SFI1: variants seen among roughly 807,000 people sequenced by gnomAD.
SFI1 encodes SFI1 centrin binding protein, also known as protein SFI1 homolog.
SFI1 carries 195 observed loss-of-function variants against 207.5 expected under a neutral mutation model. The observed-to-expected ratio is 0.94, with a 90% CI of 0.84 to 1.06. The LOEUF is 1.06. Among genes scored for constraint, SFI1 ranks in the 50% least tolerant of loss-of-function variants. The pLI is 0.00. For synonymous variants in SFI1, 630 were observed against 598.9 expected, an observed-to-expected ratio of 1.05 and a Z score of -0.76; for missense variants, 1,634 against 1,588.0, an observed-to-expected ratio of 1.03 and a Z score of -0.49.
In SFI1 at chr22:31,546,894, C is replaced by G; in HGVS notation, c.372C>G (p.Val124=). ...FYYEQRLLRK[V]FEEWKEEWWV... ...ATGAGCAGCGATTACTACGGAAGGTCTTCGAAGAATGGAAAGAGGAGTGGT... is the reference window on the plus strand; with the variant it reads ...ATGAGCAGCGATTACTACGGAAGGTGTTCGAAGAATGGAAAGAGGAGTGGT... Residue 124 remains valine (V), a synonymous_variant, in exon 5 of 33, where the codon GTC becomes GTG. Transcript: ENST00000400288. 1 of 1,611,714 alleles carries G rather than the reference C, an allele frequency of 6.2e-7. No individual in the cohort carries two copies. The highest frequency in any genetic ancestry group is 8.5e-7 in the Non-Finnish European group (1 of 1,179,024).
At chr22:31,539,630 C>T (rs1430277907) in intron 4 of SFI1, among the ~76,000 whole-genome samples, 1 of 151,950 alleles carries the variant, frequency 6.6e-6, no homozygotes, top group Non-Finnish European at 1.5e-5. Context: ...TTTTTGGTCA[C>T]TCTGTCATGT....
intron 4 of SFI1, among the ~76,000 whole-genome samples, chr22:31,534,639 C>G (rs1245758294): frequency 6.6e-6 from 1 of 152,112 alleles, no homozygotes; most frequent in Admixed American, 6.6e-5. Context: ...TATTCCATCA[C>G]TGTCCTATGG....
intron 24 of SFI1, 151 bp from the exon 25 acceptor site, chr22:31,612,991 C>A: frequency 1.4e-6 from 1 of 723,822 alleles, no homozygotes; most frequent in Non-Finnish European, 2.2e-6. Flanking sequence ...GAGCATCTCA[C>A]CGCCAGGCAC....
At chr22:31,529,276 G>A (rs540655250) in intron 3 of SFI1, among the ~76,000 whole-genome samples, 1 of 152,288 alleles carries the variant, frequency 6.6e-6, no homozygotes, top group East Asian at 1.9e-4. Context: ...GGTCAGGTAC[G>A]GTGGCTCACA....
intron 8 of SFI1, among the ~76,000 whole-genome samples, chr22:31,570,066 G>GT (rs2062790566): frequency 3.3e-5 from 5 of 151,900 alleles, no homozygotes; most frequent in Admixed American, 3.3e-4. Context: ...GCAGTGAGCC[G>GT]TATTCTTGCC....
chr22:31,604,817 C>T (rs1362714085), intron 19 of SFI1, 52 bp from the exon 20 acceptor site: 1 of 1,547,516 alleles, frequency 6.5e-7, no homozygotes, highest in Admixed American at 1.7e-5. Flanking sequence ...CCTGCCTAAA[C>T]AGGGGGAAGT....
At chr22:31,614,474 C>T (rs752203608) in intron 27 of SFI1, 1 of 543,412 alleles carries the variant, frequency 1.8e-6, no homozygotes, top group Non-Finnish European at 3.5e-6. Context: ...TTTGACTGAC[C>T]TTGATGGGAT....
chr22:31,598,674 C>T (rs2067556031), intron 15 of SFI1, among the ~76,000 whole-genome samples: 1 of 125,938 alleles, frequency 7.9e-6, no homozygotes, highest in African/African-American at 2.9e-5. Context: ...GCCTCGGCCT[C>T]CCAGAGTGCT....
intron 21 of SFI1, chr22:31,606,696 T>A: frequency 2.9e-5 from 4 of 138,242 alleles, no homozygotes; most frequent in Non-Finnish European, 4.4e-5. Context: ...TTTTTTTCTT[T>A]TTTTTTTTTT....
intron 4 of SFI1, among the ~76,000 whole-genome samples, chr22:31,536,138 C>T (rs1187689530): frequency 6.6e-6 from 1 of 152,104 alleles, no homozygotes; most frequent in African/African-American, 2.4e-5. Context: ...ATATGAAGCC[C>T]TGTCCTAGAA....
chr22:31,498,020 C>A (rs1027042534), intron 1 of SFI1, among the ~76,000 whole-genome samples: 1 of 152,320 alleles, frequency 6.6e-6, no homozygotes, highest in Admixed American at 6.5e-5. Context: ...GTGGGCTGGG[C>A]ATGGTGGCTC....
At chr22:31,530,956 C>T in intron 3 of SFI1, 102 bp from the exon 4 acceptor site, 2 of 880,834 alleles carry the variant, frequency 2.3e-6, no homozygotes, top group South Asian at 1.6e-5. Context: ...TACTAACATC[C>T]CTCTGCTGAG....
At chr22:31,581,145 T>A (rs1188454608) in intron 12 of SFI1, among the ~76,000 whole-genome samples, 1 of 151,438 alleles carries the variant, frequency 6.6e-6, no homozygotes, top group Non-Finnish European at 1.5e-5. Context: ...CACACCCAGC[T>A]AATTTTTGTA....
At chr22:31,547,020 G>T in intron 5 of SFI1, 49 bp downstream of exon 5, 2 of 1,313,402 alleles carry the variant, frequency 1.5e-6, no homozygotes, top group Non-Finnish European at 2.2e-6. Context: ...CACATTATCA[G>T]ATGATTATTT....
In SFI1 at chr22:31,533,543, C is replaced by T. The variant is rs918062949; in HGVS notation, c.338+2414C>T. ...TCTGTCTCAAAAAAGTTGTAGCGTT[C>T]AGTGGTGTGGCCTTCAGCTTCAAAG... On this transcript the variant is annotated intron_variant, in intron 4 of 32. Coordinates refer to ENST00000400288, the MANE Select transcript of SFI1 (RefSeq NM_001007467.3). Among the ~76,000 whole-genome samples, 4 of 150,846 alleles carry T rather than the reference C, an allele frequency of 2.7e-5. No individual in the cohort carries two copies. The East Asian group carries it at 7.8e-4, about 29-fold the overall frequency.
At chr22:31,607,596 A>G (rs977906690) in intron 21 of SFI1, 4 of 151,612 alleles carry the variant, frequency 2.6e-5, no homozygotes, top group African/African-American at 7.3e-5. Context: ...GAGCGAGACT[A>G]TGTCTCAAAA....
chr22:31,607,373 CG>C (rs1247902127), intron 21 of SFI1, among the ~76,000 whole-genome samples: 1 of 152,010 alleles, frequency 6.6e-6, no homozygotes, highest in African/African-American at 2.4e-5. Flanking sequence ...GAGACTGAGT[CG>C]GGTGGATCAC....
intron 12 of SFI1, among the ~76,000 whole-genome samples, chr22:31,581,287 C>CTTT (rs11382099): frequency 7.6e-5 from 11 of 145,086 alleles, no homozygotes; most frequent in South Asian, 2.2e-4. Context: ...CCCAAATATA[C>CTTT]TTTTTTTTTT....
intron 8 of SFI1, among the ~76,000 whole-genome samples, chr22:31,571,308 G>A (rs185933375): frequency 5.1e-4 from 77 of 152,058 alleles, no homozygotes; most frequent in Admixed American, 2.6e-3. Context: ...TGGTTTTTTG[G>A]TTTGGTTTGG....
Sources: gnomAD v4.1 joint callset for allele counts (sites outside exome capture counted in the v4.1 genomes callset) on GRCh38, gnomAD v4.1.1 for gene constraint, MANE v1.5 for transcripts, NCBI Gene and HGNC (gene_info 2026-07-23, HGNC 2026-07-21) for gene names.